Variants in PCDH15 observed in about 807,000 individuals in gnomAD.
PCDH15 encodes the protein protocadherin-15.
Under a neutral mutation model 178.5 loss-of-function variants are expected in PCDH15, and 129 were observed. The observed-to-expected ratio is 0.72, with a 90% CI of 0.63 to 0.84. The LOEUF is 0.84. Among genes scored for constraint, PCDH15 ranks in the 40% least tolerant of loss-of-function variants. The pLI is 0.00. For missense variants in PCDH15, 2,230 were observed against 2,099.9 expected, an observed-to-expected ratio of 1.06 and a Z score of -1.21; for synonymous variants, 800 against 732.0, an observed-to-expected ratio of 1.09 and a Z score of -1.50.
intron 2 of PCDH15, among the ~76,000 whole-genome samples, chr10:54,964,268 G>A (rs1838727043): frequency 6.6e-6 from 1 of 152,088 alleles, no homozygotes; most frequent in African/African-American, 2.4e-5. Context: ...AGTTCGGTGG[G>A]GCAATTGGGC....
At chr10:54,672,071 T>C (rs554804284) in intron 1 of PCDH15, among the ~76,000 whole-genome samples, 16 of 152,284 alleles carry the variant, frequency 1.1e-4, no homozygotes, top group African/African-American at 3.6e-4. Context: ...CCAGGTTGCA[T>C]GTTCCTTACG....
rs145197882 is a variant in PCDH15 at position 54,708,779 on chromosome 10, CGT to C, written c.-28-44491_-28-44490del. On this transcript the variant is annotated intron_variant, in intron 1 of 37. Transcript: ENST00000644397. The stretch of plus-strand genomic sequence containing the variant: ...ATCACCCCAATGCAGGCCAGAATAA[CGT>C]GTGTGTGTGTGTGTGTGTGTGCGCG... Among the ~76,000 whole-genome samples the C allele has an allele frequency of 5.3e-3, 797 of 150,464 alleles. 5 individuals are homozygous for C. The highest frequency in any genetic ancestry group is 0.014 in the African/African-American group (564 of 40,896).
chr10:54,033,981 T>C (rs1004411513), intron 18 of PCDH15, among the ~76,000 whole-genome samples: 2 of 151,930 alleles, frequency 1.3e-5, no homozygotes, highest in African/African-American at 4.8e-5. Context: ...TTCATTATAT[T>C]ACATTGTCTC....
chr10:54,399,586 T>C (rs16915135), intron 3 of PCDH15, among the ~76,000 whole-genome samples: 3,999 of 152,190 alleles, frequency 0.026, 166 homozygotes, highest in African/African-American at 0.089. Flanking sequence ...AGATTAATGG[T>C]CTGCGGTTAG....
At chr10:54,482,141 GAT>G (rs1343961803) in intron 3 of PCDH15, among the ~76,000 whole-genome samples, 1 of 151,836 alleles carries the variant, frequency 6.6e-6, no homozygotes, top group Non-Finnish European at 1.5e-5. Flanking sequence ...GTTAAAAAAA[GAT>G]AACAATTGAA....
At chr10:55,180,783 A>T (rs965609597) in intron 1 of PCDH15, among the ~76,000 whole-genome samples, 2 of 152,082 alleles carry the variant, frequency 1.3e-5, no homozygotes, top group Non-Finnish European at 2.9e-5. Flanking sequence ...TTTCAGTTGC[A>T]GATGCCTGTC....
chr10:54,419,368 TA>T (rs2135782558), intron 3 of PCDH15, among the ~76,000 whole-genome samples: 1 of 88,334 alleles, frequency 1.1e-5, no homozygotes, highest in African/African-American at 5.8e-5. Flanking sequence ...TTCTCCATTA[TA>T]GAGCCAGCAA....
chr10:54,491,575 A>C (rs1053026770), intron 3 of PCDH15, among the ~76,000 whole-genome samples: 6 of 152,140 alleles, frequency 3.9e-5, no homozygotes, highest in Non-Finnish European at 8.8e-5. Context: ...TATTCCTTTG[A>C]TATTGCTAGG....
intron 1 of PCDH15, among the ~76,000 whole-genome samples, chr10:55,185,957 A>G (rs558746135): frequency 6.6e-6 from 1 of 151,890 alleles, no homozygotes; most frequent in East Asian, 1.9e-4. Context: ...AAAAAATAAT[A>G]CTGTTTATCC....
At chr10:55,392,805 T>C (rs1837828680) in intron 2 of PCDH15, among the ~76,000 whole-genome samples, 1 of 152,144 alleles carries the variant, frequency 6.6e-6, no homozygotes, top group South Asian at 2.1e-4. Flanking sequence ...TGCAAATTAA[T>C]ATAAATAAAT....
intron 2 of PCDH15, among the ~76,000 whole-genome samples, chr10:55,452,121 C>T (rs1268888762): frequency 3.3e-5 from 5 of 152,092 alleles, no homozygotes; most frequent in African/African-American, 7.2e-5. Flanking sequence ...CAGAATAATA[C>T]TCTGATTAAG....
intron 25 of PCDH15, among the ~76,000 whole-genome samples, chr10:53,925,824 C>T (rs2133928774): frequency 6.6e-6 from 1 of 152,130 alleles, no homozygotes; most frequent in South Asian, 2.1e-4. Flanking sequence ...ATACTTTTTC[C>T]TTTGATGCTT....
intron 25 of PCDH15, among the ~76,000 whole-genome samples, chr10:53,937,951 CTCTAT>C (rs1406798621): frequency 6.6e-6 from 1 of 152,100 alleles, no homozygotes; most frequent in Non-Finnish European, 1.5e-5. Context: ...CTGTCTGGGC[CTCTAT>C]TCTATTAATA....
chr10:54,736,356 CT>C (rs1248735855), intron 1 of PCDH15, among the ~76,000 whole-genome samples: 1 of 151,964 alleles, frequency 6.6e-6, no homozygotes, highest in Non-Finnish European at 1.5e-5. Context: ...AAAAAAATAG[CT>C]TTTGGAAGAT....
At chr10:54,717,065 A>T (rs1424699148) in intron 1 of PCDH15, among the ~76,000 whole-genome samples, 3 of 148,244 alleles carry the variant, frequency 2.0e-5, no homozygotes, top group Admixed American at 6.8e-5. Flanking sequence ...ATATGTAGAA[A>T]GCTGAAACTG....
At chr10:54,432,851 A>G in intron 3 of PCDH15, among the ~76,000 whole-genome samples, 1 of 152,188 alleles carries the variant, frequency 6.6e-6, no homozygotes, top group Non-Finnish European at 1.5e-5. Context: ...AATAACCAGA[A>G]TATATAACAA....
At chr10:54,773,728 T>G (rs2133297688) in intron 1 of PCDH15, among the ~76,000 whole-genome samples, 1 of 152,316 alleles carries the variant, frequency 6.6e-6, no homozygotes, top group East Asian at 1.9e-4. Flanking sequence ...CACCCCTGAC[T>G]AGAAACACTA....
chr10:55,399,655 GA>G (rs1157321124), intron 2 of PCDH15, among the ~76,000 whole-genome samples: 1 of 152,070 alleles, frequency 6.6e-6, no homozygotes, highest in African/African-American at 2.4e-5. Context: ...GTGGAATCAA[GA>G]AAATGGATTG....
intron 23 of PCDH15, among the ~76,000 whole-genome samples, chr10:53,953,802 T>G (rs865843250): frequency 6.6e-6 from 1 of 152,186 alleles, no homozygotes; most frequent in South Asian, 2.1e-4. Flanking sequence ...TGTTTTGTTT[T>G]GTTCTGAGAC....
Sources: gnomAD v4.1 joint callset for allele counts (sites outside exome capture counted in the v4.1 genomes callset) on GRCh38, gnomAD v4.1.1 for gene constraint, MANE v1.5 for transcripts, NCBI Gene and HGNC (gene_info 2026-07-23, HGNC 2026-07-21) for gene names.